The following TP63 variants were observed in gnomAD, a reference collection of about 807,000 sequenced individuals.
TP63 encodes the protein tumor protein p63, also known as tumor protein 63.
Under a neutral mutation model 82.8 loss-of-function variants are expected in TP63, and 17 were observed. The ratio of observed to expected loss-of-function variants is 0.21; its 90% confidence interval spans 0.14 to 0.31. The LOEUF is 0.31. Among genes scored for constraint, TP63 ranks in the 10% least tolerant of loss-of-function variants. The probability of loss-of-function intolerance (pLI) is 1.00; values close to 1 mark genes in which losing one functional copy is unlikely to be tolerated. For missense variants in TP63, 648 were observed against 895.3 expected, an observed-to-expected ratio of 0.72 and a Z score of 3.52; for synonymous variants, 330 against 321.7, an observed-to-expected ratio of 1.03 and a Z score of -0.28.
intron 1 of TP63, among the ~76,000 whole-genome samples, chr3:189,649,322 G>A (rs1374675734): frequency 6.8e-6 from 1 of 146,928 alleles, no homozygotes; most frequent in Admixed American, 6.7e-5. Context: ...GTCGTTTGCA[G>A]GAACATGGAT....
At chr3:189,848,875 G>A (rs1309318652) in intron 4 of TP63, among the ~76,000 whole-genome samples, 1 of 152,088 alleles carries the variant, frequency 6.6e-6, no homozygotes, top group Non-Finnish European at 1.5e-5. Flanking sequence ...CCAAAATGCT[G>A]CCTTTTTTGT....
At chr3:189,879,919 G>A in intron 10 of TP63, 1 of 1,162,488 alleles carries the variant, frequency 8.6e-7, no homozygotes, top group Non-Finnish European at 1.1e-6. Flanking sequence ...AGATAAATTG[G>A]AAGAACAAAA....
At chr3:189,881,954 T>C (rs1345545597) in intron 10 of TP63, among the ~76,000 whole-genome samples, 1 of 152,056 alleles carries the variant, frequency 6.6e-6, no homozygotes, top group Admixed American at 6.6e-5. Flanking sequence ...TGTCCAATTT[T>C]TTTTTTTACT....
At chr3:189,706,280 G>A (rs1009861605) in intron 1 of TP63, among the ~76,000 whole-genome samples, 24 of 151,232 alleles carry the variant, frequency 1.6e-4, no homozygotes, top group African/African-American at 3.9e-4. Context: ...TTTTTGAGAC[G>A]GAGTCTTCCT....
chr3:189,894,220 G>C lies in TP63; in HGVS notation c.1761G>C (p.Leu587=), dbSNP rs573105911. The C allele has an allele frequency of 6.2e-7, 1 of 1,614,096 alleles. No individual in the cohort carries two copies. The highest frequency in any genetic ancestry group is 1.1e-5 in the South Asian group (1 of 91,076). Residue 587 remains leucine (L), a synonymous_variant, in exon 14 of 14, where the codon CTG becomes CTC. Coordinates refer to ENST00000264731, the MANE Select transcript of TP63 (RefSeq NM_003722.5). Reference sequence around the variant, plus strand: ...CTGTTGCACAGGATCTGGCAAGTCTGAAAATCCCTGAGCAATTTCGACATG... The same window carrying C: ...CTGTTGCACAGGATCTGGCAAGTCTCAAAATCCCTGAGCAATTTCGACATG... ...EHYSMDDLAS[L]KIPEQFRHAI... is the part of the protein sequence containing the mutation.
intron 1 of TP63, among the ~76,000 whole-genome samples, chr3:189,701,114 A>G (rs917750267): frequency 2.0e-5 from 3 of 152,120 alleles, no homozygotes; most frequent in Non-Finnish European, 4.4e-5. Flanking sequence ...TTCCAACATG[A>G]TTGTGATGCC....
intron 3 of TP63, among the ~76,000 whole-genome samples, chr3:189,761,853 G>A (rs577292085): frequency 2.0e-5 from 3 of 152,232 alleles, no homozygotes; most frequent in East Asian, 1.9e-4. Context: ...GGAGGAGCAA[G>A]TCACATCTTA....
intron 3 of TP63, among the ~76,000 whole-genome samples, chr3:189,795,847 G>C (rs1036372427): frequency 6.6e-6 from 1 of 151,954 alleles, no homozygotes; most frequent in African/African-American, 2.4e-5. Context: ...AAATTAGCCC[G>C]AATGATTCCT....
intron 4 of TP63, among the ~76,000 whole-genome samples, chr3:189,857,234 T>C (rs1042323372): frequency 4.6e-5 from 7 of 152,108 alleles, no homozygotes; most frequent in South Asian, 2.1e-4. Context: ...ATATGACCAA[T>C]TGATTTTCAA....
At chr3:189,725,371 G>A (rs1016140853) in intron 1 of TP63, among the ~76,000 whole-genome samples, 20 of 152,042 alleles carry the variant, frequency 1.3e-4, no homozygotes, top group Non-Finnish European at 1.8e-4. Flanking sequence ...AGGACTTATC[G>A]GGACTAGGAA....
intron 1 of TP63, among the ~76,000 whole-genome samples, chr3:189,694,399 C>T (rs754773521): frequency 6.6e-6 from 1 of 152,078 alleles, no homozygotes; most frequent in Non-Finnish European, 1.5e-5. Context: ...GTTCCAAGAC[C>T]TTATTCAGAA....
chr3:189,627,551 G>A (rs996257577), upstream of TP63, among the ~76,000 whole-genome samples: 3 of 152,154 alleles, frequency 2.0e-5, no homozygotes, highest in African/African-American at 7.2e-5. Context: ...AATTAAGTAA[G>A]AATAAAAATT....
intron 10 of TP63, among the ~76,000 whole-genome samples, chr3:189,885,224 CAGTA>C (rs1456974905): frequency 6.6e-6 from 1 of 152,164 alleles, no homozygotes; most frequent in Non-Finnish European, 1.5e-5. Flanking sequence ...TCTGTGGTCA[CAGTA>C]ATTCAGTGTA....
intron 3 of TP63, among the ~76,000 whole-genome samples, chr3:189,791,700 G>A (rs2108596776): frequency 6.6e-6 from 1 of 152,184 alleles, no homozygotes; most frequent in African/African-American, 2.4e-5. Flanking sequence ...ACCAGTGCAT[G>A]TATTAGGTTA....
At chr3:189,880,776 G>A (rs1719823943) in intron 10 of TP63, 2 of 985,376 alleles carry the variant, frequency 2.0e-6, no homozygotes, top group Non-Finnish European at 2.4e-6. Context: ...CAACTTTGTG[G>A]GTGGAGAGTT....
chr3:189,829,475 G>C (rs1711961088), intron 4 of TP63, among the ~76,000 whole-genome samples: 1 of 152,154 alleles, frequency 6.6e-6, no homozygotes, highest in Non-Finnish European at 1.5e-5. Flanking sequence ...TCTTAGGGGA[G>C]GAAGTGGAAG....
chr3:189,878,125 A>AT (rs1159086190), intron 10 of TP63, among the ~76,000 whole-genome samples: 1 of 151,940 alleles, frequency 6.6e-6, no homozygotes, highest in African/African-American at 2.4e-5. Context: ...GAATATTGAT[A>AT]TTTTTTTCTC....
intron 3 of TP63, among the ~76,000 whole-genome samples, chr3:189,761,859 T>C (rs1030837709): frequency 6.6e-6 from 1 of 152,104 alleles, no homozygotes. Flanking sequence ...GCAAGTCACA[T>C]CTTATGTGGA....
intron 4 of TP63, among the ~76,000 whole-genome samples, chr3:189,820,201 AAGCT>A (rs1361491582): frequency 2.0e-5 from 3 of 152,230 alleles, no homozygotes; most frequent in African/African-American, 7.2e-5. Context: ...TTTGCTGTAA[AAGCT>A]AGAGCAAGTG....
Sources: gnomAD v4.1 joint callset for allele counts (sites outside exome capture counted in the v4.1 genomes callset) on GRCh38, gnomAD v4.1.1 for gene constraint, MANE v1.5 for transcripts, NCBI Gene and HGNC (gene_info 2026-07-23, HGNC 2026-07-21) for gene names.